Variants in MEX3C observed in about 807,000 individuals in gnomAD.
MEX3C encodes RNA-binding E3 ubiquitin-protein ligase MEX3C.
In MEX3C, 15 loss-of-function variants were observed where a neutral mutation model predicts 35.5. That is an observed-to-expected ratio of 0.42 (90% CI 0.28 to 0.65). The LOEUF (loss-of-function observed/expected upper bound fraction) is 0.65, where lower values mean the gene tolerates loss of function less well. MEX3C is among the 30% of genes least tolerant of loss of function. MEX3C has a pLI of 0.20. For synonymous variants in MEX3C, 390 were observed against 352.8 expected, an observed-to-expected ratio of 1.11 and a Z score of -1.18; for missense variants, 711 against 842.8, an observed-to-expected ratio of 0.84 and a Z score of 1.94.
intron 1 of MEX3C, among the ~76,000 whole-genome samples, chr18:51,187,660 A>G (rs1912569326): frequency 6.6e-6 from 1 of 152,144 alleles, no homozygotes; most frequent in African/African-American, 2.4e-5. Flanking sequence ...GTCAGCAGAG[A>G]TCACACTACT....
At chr18:51,179,197 G>T (rs753296621) in intron 1 of MEX3C, among the ~76,000 whole-genome samples, 1 of 151,952 alleles carries the variant, frequency 6.6e-6, no homozygotes, top group South Asian at 2.1e-4. Flanking sequence ...TAGAGATGGG[G>T]TTTCACCACG....
chr18:51,184,315 G>C (rs1039720930), intron 1 of MEX3C, among the ~76,000 whole-genome samples: 4 of 152,124 alleles, frequency 2.6e-5, no homozygotes, highest in African/African-American at 9.7e-5. Flanking sequence ...AACACAGTGA[G>C]ACCCTGAACA....
intron 1 of MEX3C, among the ~76,000 whole-genome samples, chr18:51,181,484 A>G (rs1438717032): frequency 7.2e-6 from 1 of 138,498 alleles, no homozygotes; most frequent in Non-Finnish European, 1.6e-5. Context: ...TAAGATTGTC[A>G]AATAACAAAA....
Position 51,176,263 on chromosome 18 carries a change from A to G in MEX3C, c.*88T>C, listed in dbSNP as rs953163898. The G allele has an allele frequency of 7.9e-7, 1 of 1,267,420 alleles. No homozygotes were observed. The highest frequency in any genetic ancestry group is 1.5e-5 in the African/African-American group (1 of 65,884). 78.5% of individuals were successfully genotyped at this position (1,267,420 alleles called of 1,614,324 possible). A position where few individuals can be genotyped will look rare whatever the true frequency, so the allele number is the denominator to read the frequency against. On this transcript the variant is annotated 3_prime_UTR_variant, in exon 2 of 2. Transcript: ENST00000406189. ...TAAAGCCTGATAACAGTCATAAGAA[A>G]TCATTAGGAAGTTTACTGGGGGGTA...
rs561580020 is a variant in MEX3C at position 51,197,293 on chromosome 18, C to T, written c.28G>A (p.Ala10Thr). Residue 10 changes from alanine (A) to threonine (T), a missense_variant, in exon 1 of 2, where the codon GCC becomes ACC. Ala to Thr is a moderately conservative substitution (Grantham distance 58). This residue lies in a region of MEX3C where 354 missense variants were observed against 311.6 expected (regional missense o/e 1.14). Coordinates refer to ENST00000406189, the MANE Select transcript of MEX3C (RefSeq NM_016626.5). MPSGSSAAL[A>T]LAAAPAPLPQ... ...AGGGGGGCCGGGGCCGCCGCCAGGG[C>T]CAGGGCCGCGGAGCTGCCGCTGGGC... is the stretch of plus-strand genomic sequence containing the variant. 1 of 702,544 alleles carries T rather than the reference C, an allele frequency of 1.4e-6. No individual in the cohort carries two copies. Among genetic ancestry groups the T allele is most frequent in the African/African-American group, 2.0e-5 (1 of 50,794 alleles). The allele number at this position is 702,544 out of a possible 1,614,324, so 43.5% of individuals were successfully genotyped here. A position where few individuals can be genotyped will look rare whatever the true frequency, so the allele number is the denominator to read the frequency against.
chr18:51,196,899 A>G lies in MEX3C; in HGVS notation c.422T>C (p.Leu141Pro). ...GGCCGCGGGCGGCGACAGCAGCAGCAGCGACGACCGGTCCTCCTCCTCTGC... is the reference window on the plus strand; with the variant it reads ...GGCCGCGGGCGGCGACAGCAGCAGCGGCGACGACCGGTCCTCCTCCTCTGC... ...EEAEEEDRSS[L>P]LLLSPPAATA... is the part of the protein sequence containing the mutation. The change falls in exon 1 of 2, where the codon CTG becomes CCG. Residue 141 changes from leucine (L) to proline (P), a missense_variant. By Grantham distance (98) the Leu-to-Pro change is moderately conservative (BLOSUM62 -3). Around this residue, in one of 4 missense-constraint regions of MEX3C, gnomAD observed 354 missense variants for 311.6 expected, o/e 1.14. Transcript: ENST00000406189. 1 of 1,542,052 alleles carries G rather than the reference A, an allele frequency of 6.5e-7. No individual in the cohort carries two copies.
In MEX3C at chr18:51,176,190, C is replaced by T; in HGVS notation, c.*161G>A. 3 of 686,038 alleles carry T rather than the reference C, an allele frequency of 4.4e-6. No individual in the cohort carries two copies. The highest frequency in any genetic ancestry group is 6.9e-6 in the Non-Finnish European group (3 of 431,964). 42.5% of individuals were successfully genotyped at this position (686,038 alleles called of 1,614,324 possible). A position where few individuals can be genotyped will look rare whatever the true frequency, so the allele number is the denominator to read the frequency against. On this transcript the variant is annotated 3_prime_UTR_variant, in exon 2 of 2. Coordinates refer to ENST00000406189, the MANE Select transcript of MEX3C (RefSeq NM_016626.5). ...AAGAGACCACTTAGGTTTAGTGTTA[C>T]CATAGCAGCCTTTTATAAGTTTACT... is the stretch of plus-strand genomic sequence containing the variant.
At position 51,176,246 on chromosome 18, in the gene MEX3C, G is replaced by C; in HGVS notation, c.*105C>G. On this transcript the variant is annotated 3_prime_UTR_variant, in exon 2 of 2. Transcript: ENST00000406189. ...CTTTAGCCTAATCCCAATAAAGCCT[G>C]ATAACAGTCATAAGAAATCATTAGG... 1 of 1,156,318 alleles carries C rather than the reference G, an allele frequency of 8.6e-7. No individual in the cohort carries two copies. Among genetic ancestry groups the C allele is most frequent in the Non-Finnish European group, 1.2e-6 (1 of 841,086 alleles). 71.6% of individuals were successfully genotyped at this position (1,156,318 alleles called of 1,614,324 possible).
In MEX3C at chr18:51,175,870, T is replaced by C. The variant is rs1344881107; in HGVS notation, c.*481A>G. On this transcript the variant is annotated 3_prime_UTR_variant, in exon 2 of 2. Coordinates refer to ENST00000406189, the MANE Select transcript of MEX3C (RefSeq NM_016626.5). Reference sequence around the variant, plus strand: ...TTGCAATCCTGCAGAATTAGGCATATGTTGTTGTAAAATAAAAAACAAACC... The same window carrying C: ...TTGCAATCCTGCAGAATTAGGCATACGTTGTTGTAAAATAAAAAACAAACC... The C allele has an allele frequency of 1.3e-5, 2 of 153,292 alleles. No homozygotes were observed. The highest frequency in any genetic ancestry group is 2.9e-5 in the Non-Finnish European group (2 of 68,584). 9.5% of individuals were successfully genotyped at this position (153,292 alleles called of 1,614,324 possible). A position where few individuals can be genotyped will look rare whatever the true frequency, so the allele number is the denominator to read the frequency against.
chr18:51,196,364 C>T, intron 1 of MEX3C: 1 of 1,222,168 alleles, frequency 8.2e-7, no homozygotes, highest in Non-Finnish European at 1.1e-6. Flanking sequence ...CACTTTTTAC[C>T]AGGCAAGACG....
intron 1 of MEX3C, among the ~76,000 whole-genome samples, chr18:51,180,037 A>C (rs970263690): frequency 6.6e-6 from 1 of 152,148 alleles, no homozygotes; most frequent in Admixed American, 6.5e-5. Flanking sequence ...CTAAGGGTCT[A>C]GGGTTGGTCC....
chr18:51,189,502 C>A (rs1448084831), intron 1 of MEX3C, among the ~76,000 whole-genome samples: 2 of 152,130 alleles, frequency 1.3e-5, no homozygotes, highest in African/African-American at 4.8e-5. Flanking sequence ...GAATTCCCTG[C>A]ATGTACAAGG....
intron 1 of MEX3C, among the ~76,000 whole-genome samples, chr18:51,187,985 C>A (rs1232616286): frequency 6.6e-6 from 1 of 152,136 alleles, no homozygotes; most frequent in African/African-American, 2.4e-5. Context: ...AACTAAATCC[C>A]AGTAAGAATG....
At chr18:51,183,926 AG>A (rs1912481058) in intron 1 of MEX3C, among the ~76,000 whole-genome samples, 3 of 152,316 alleles carry the variant, frequency 2.0e-5, no homozygotes, top group South Asian at 4.1e-4. Flanking sequence ...GCTTGTGTCC[AG>A]GAGGTCATGG....
rs540792408 is a variant in MEX3C at position 51,177,539 on chromosome 18, C to T, written c.792G>A (p.Thr264=). ...KIKALRAKTN[T]YIKTPVRGEE... is the part of the protein sequence containing the mutation. ...CACCACGAACAGGAGTCTTGATATA[C>T]GTGTTTGTCTTGGCTCTCAGTGCTT... is the stretch of plus-strand genomic sequence containing the variant. Residue 264 remains threonine, a synonymous_variant, in exon 2 of 2, where the codon ACG becomes ACA. Coordinates refer to ENST00000406189, the MANE Select transcript of MEX3C (RefSeq NM_016626.5). This position sits in a 1 kb window ranked among gnomAD's most constrained non-coding sequence, Gnocchi z 4.2. 70 of 1,611,368 alleles carry T rather than the reference C, an allele frequency of 4.3e-5. No homozygotes were observed. In the South Asian group the frequency reaches 4.4e-4, roughly 10 times the overall value.
chr18:51,196,598 G>T lies in MEX3C; in HGVS notation c.723C>A (p.Ser241=). The part of the protein sequence containing the change: ...NTTECVPVPS[S]EHVAEIVGRQ... The stretch of plus-strand genomic sequence containing the variant: ...GGCCGACGATCTCGGCGACGTGCTC[G>T]GAGCTGGGCACCGGGACGCACTCGG... Residue 241 remains serine, a synonymous_variant, in exon 1 of 2, where the codon TCC becomes TCA. Transcript: ENST00000406189. 1.3e-6 allele frequency: 2 copies of T among 1,593,374 alleles called. No homozygotes were observed. Among genetic ancestry groups the T allele is most frequent in the East Asian group, 2.3e-5 (1 of 44,024 alleles).
In MEX3C at chr18:51,177,009, T is replaced by C. The variant is rs147163093; in HGVS notation, c.1322A>G (p.Asn441Ser). 4.6e-5 allele frequency: 74 copies of C among 1,613,966 alleles called. 1 individual carries two copies. Among genetic ancestry groups the C allele is most frequent in the African/African-American group, 4.5e-4 (34 of 75,024 alleles). The change falls in exon 2 of 2, where the codon AAT becomes AGT. Residue 441 changes from asparagine to serine, a missense_variant. Asn to Ser is a conservative substitution (Grantham distance 46). This residue lies in a region of MEX3C where 187 missense variants were observed against 201.7 expected (regional missense o/e 0.93). Coordinates refer to ENST00000406189, the MANE Select transcript of MEX3C (RefSeq NM_016626.5). This position sits in a 1 kb window ranked among gnomAD's most constrained non-coding sequence, Gnocchi z 4.2. ...AGAACTGGAACTATCATTTCGATAATTGGATATCATTCTTGCGCGGCTAGG... is the reference window on the plus strand; with the variant it reads ...AGAACTGGAACTATCATTTCGATAACTGGATATCATTCTTGCGCGGCTAGG... ...VPPSRARMIS[N>S]YRNDSSSSLG...
chr18:51,197,231 C>A lies in MEX3C; in HGVS notation c.90G>T (p.Pro30=). The A allele has an allele frequency of 1.0e-6, 1 of 988,004 alleles. No individual in the cohort carries two copies. Among genetic ancestry groups the A allele is most frequent in the Non-Finnish European group, 1.2e-6 (1 of 833,030 alleles). The allele number at this position is 988,004 out of a possible 1,614,324, so 61.2% of individuals were successfully genotyped here. ...GGCCGCCCGAGGGCGGCGGCAGAGG[C>A]GGCGGTGGCGGCGGCGGCGGCGGGG... The part of the protein sequence containing the change: ...QPPPPPPPPP[P]PLPPPSGGPE... The change falls in exon 1 of 2, where the codon CCG becomes CCT. Residue 30 remains proline (P), a synonymous_variant. Transcript: ENST00000406189.
intron 1 of MEX3C, among the ~76,000 whole-genome samples, chr18:51,189,711 T>C (rs181068325): frequency 6.6e-6 from 1 of 152,296 alleles, no homozygotes; most frequent in East Asian, 1.9e-4. Context: ...ATTATGTTCA[T>C]GCTCTTTGGA....
Sources: gnomAD v4.1 joint callset for allele counts (sites outside exome capture counted in the v4.1 genomes callset) on GRCh38, gnomAD v4.1.1 for gene constraint, gnomAD v4.1.1 regional missense constraint, Gnocchi (gnomAD v3.1) non-coding constraint, MANE v1.5 for transcripts, NCBI Gene and HGNC (gene_info 2026-07-23, HGNC 2026-07-21) for gene names.